Variants in JAKMIP2 observed in about 807,000 individuals in gnomAD.
The protein encoded by JAKMIP2 is janus kinase and microtubule interacting protein 2.
In JAKMIP2, 25 loss-of-function variants were observed where a neutral mutation model predicts 115.0. The ratio of observed to expected loss-of-function variants is 0.22; its 90% CI spans 0.16 to 0.30. JAKMIP2 has a LOEUF of 0.30. Among genes scored for constraint, JAKMIP2 ranks in the 10% least tolerant of loss-of-function variants. The pLI is 1.00. For missense variants in JAKMIP2, 642 were observed against 957.6 expected, an observed-to-expected ratio of 0.67 and a Z score of 4.35; for synonymous variants, 334 against 343.6, an observed-to-expected ratio of 0.97 and a Z score of 0.31.
intron 2 of JAKMIP2, among the ~76,000 whole-genome samples, chr5:147,666,905 A>C (rs1759326264): frequency 6.6e-6 from 1 of 152,044 alleles, no homozygotes; most frequent in South Asian, 2.1e-4. Context: ...TGGATATTAT[A>C]ATATAATTTT....
chr5:147,662,482 T>G (rs1210592936), intron 2 of JAKMIP2, among the ~76,000 whole-genome samples: 1 of 152,216 alleles, frequency 6.6e-6, no homozygotes, highest in Non-Finnish European at 1.5e-5. Context: ...GCACTACCTA[T>G]TGATCTAATC....
chr5:147,716,128 AATG>A (rs1422697531), intron 1 of JAKMIP2, among the ~76,000 whole-genome samples: 2 of 146,646 alleles, frequency 1.4e-5, no homozygotes, highest in Non-Finnish European at 3.0e-5. Context: ...GTTTACTGAG[AATG>A]ATGTTTTCCA....
In JAKMIP2 at chr5:147,628,580, T is replaced by G. The variant is rs114480052; in HGVS notation, c.1995+171A>C. On this transcript the variant is annotated intron_variant, in intron 16 of 21. Transcript: ENST00000616793. ...CCATCCCAAATCAGTGTATAGACTT[T>G]TCGTTTGGGTGTTCTCATTCTATCT... 6.0e-3 allele frequency among the ~76,000 whole-genome samples: 917 copies of G among 152,254 alleles called. 15 individuals carry two copies. Among genetic ancestry groups the G allele is most frequent in the African/African-American group, 0.021 (883 of 41,558 alleles).
rs34831610 is a variant in JAKMIP2 at position 147,637,437 on chromosome 5, A to ATTTTTT, written c.1531-395_1531-390dup. The stretch of plus-strand genomic sequence containing the variant: ...CATTTTGCCTCCCCAAATTCTTTTG[A>ATTTTTT]TTTTTTTTTTTTTTTTTTTTGAGAC... On this transcript the variant is annotated intron_variant, in intron 10 of 21. Transcript: ENST00000616793. Among the ~76,000 whole-genome samples, 8 of 79,338 alleles carry ATTTTTT rather than the reference A, an allele frequency of 1.0e-4. 1 individual carries two copies. Among genetic ancestry groups the ATTTTTT allele is most frequent in the East Asian group, 4.4e-4 (1 of 2,254 alleles). The allele number at this position is 79,338 out of a possible 152,430, so 52.0% of individuals were successfully genotyped here.
intron 1 of JAKMIP2, among the ~76,000 whole-genome samples, chr5:147,772,454 G>A (rs949302077): frequency 2.6e-5 from 4 of 151,740 alleles, no homozygotes; most frequent in Non-Finnish European, 5.9e-5. Flanking sequence ...GCAGGCTAGG[G>A]ATTTGAAGTA....
chr5:147,714,011 CA>C (rs1182941177), intron 1 of JAKMIP2, among the ~76,000 whole-genome samples: 14 of 152,056 alleles, frequency 9.2e-5, no homozygotes, highest in Non-Finnish European at 5.9e-5. Context: ...CTGGAAAAAG[CA>C]AAAGACAACT....
At chr5:147,685,951 A>G (rs778613185) in intron 1 of JAKMIP2, among the ~76,000 whole-genome samples, 40 of 152,218 alleles carry the variant, frequency 2.6e-4, no homozygotes, top group Admixed American at 1.1e-3. Flanking sequence ...GGTGGGAAGC[A>G]AAACACAGAA....
intron 1 of JAKMIP2, among the ~76,000 whole-genome samples, chr5:147,727,960 C>T (rs1420751160): frequency 6.6e-6 from 1 of 152,174 alleles, no homozygotes; most frequent in Non-Finnish European, 1.5e-5. Context: ...AGAGGGGCCA[C>T]AGACTGCGTT....
intron 3 of JAKMIP2, among the ~76,000 whole-genome samples, chr5:147,659,201 C>G (rs1387299783): frequency 6.6e-6 from 1 of 152,080 alleles, no homozygotes; most frequent in African/African-American, 2.4e-5. Flanking sequence ...ATGTGCTGAT[C>G]CGTGGATTGC....
intron 16 of JAKMIP2, among the ~76,000 whole-genome samples, chr5:147,626,708 G>T (rs1348236460): frequency 6.6e-6 from 1 of 152,176 alleles, no homozygotes. Flanking sequence ...CCCACACAGG[G>T]CAGGGAGCAG....
chr5:147,651,919 T>C (rs553583185), intron 3 of JAKMIP2, among the ~76,000 whole-genome samples: 4 of 152,348 alleles, frequency 2.6e-5, no homozygotes, highest in Non-Finnish European at 5.9e-5. Flanking sequence ...ACTTGTCAAC[T>C]GGAGCATTAC....
At position 147,632,697 on chromosome 5, in the gene JAKMIP2, G is replaced by T; in HGVS notation, c.1759C>A (p.Arg587=). The T allele has an allele frequency of 6.2e-7, 1 of 1,607,588 alleles. No individual in the cohort carries two copies. The highest frequency in any genetic ancestry group is 1.1e-5 in the South Asian group (1 of 90,332). The stretch of plus-strand genomic sequence containing the variant: ...TTCCTTACTTCTAGCTCTAGGTTTC[G>T]AAACTCCAGCAGCTCATTCTGGTCT... ...ARDQNELLEF[R]NLELEERERR... The change falls in exon 13 of 22, where the codon CGA becomes AGA. Residue 587 remains arginine (R), a synonymous_variant. Coordinates refer to ENST00000616793, the MANE Select transcript of JAKMIP2 (RefSeq NM_001270941.2).
chr5:147,613,481 C>T (rs1756428722), intron 19 of JAKMIP2, among the ~76,000 whole-genome samples: 2 of 151,378 alleles, frequency 1.3e-5, no homozygotes, highest in African/African-American at 4.9e-5. Flanking sequence ...TCTCTCCCTG[C>T]CCCAGCCAGG....
chr5:147,729,538 C>T (rs1402283064), intron 1 of JAKMIP2, among the ~76,000 whole-genome samples: 1 of 152,052 alleles, frequency 6.6e-6, no homozygotes, highest in Non-Finnish European at 1.5e-5. Flanking sequence ...TTTTGGGAGG[C>T]CGAGGTGGGC....
At chr5:147,640,671 A>G in intron 9 of JAKMIP2, 33 bp downstream of exon 9, 1 of 1,605,858 alleles carries the variant, frequency 6.2e-7, no homozygotes, top group South Asian at 1.1e-5. Context: ...TGGTGACAAT[A>G]TCACCCTAGG....
At chr5:147,767,213 C>A (rs957251401) in intron 1 of JAKMIP2, among the ~76,000 whole-genome samples, 1 of 152,078 alleles carries the variant, frequency 6.6e-6, no homozygotes, top group African/African-American at 2.4e-5. Context: ...CACATATACA[C>A]AGAGTGAAAG....
At chr5:147,764,842 T>A (rs966019597) in intron 1 of JAKMIP2, among the ~76,000 whole-genome samples, 5 of 146,128 alleles carry the variant, frequency 3.4e-5, no homozygotes, top group African/African-American at 1.3e-4. Context: ...GCCAAGATCA[T>A]GCCACTGCAC....
chr5:147,715,016 G>A (rs1006021090), intron 1 of JAKMIP2, among the ~76,000 whole-genome samples: 1 of 152,226 alleles, frequency 6.6e-6, no homozygotes, highest in Non-Finnish European at 1.5e-5. Context: ...TAATCATAAA[G>A]TGATAGCATC....
chr5:147,659,106 A>T (rs1189576783), intron 3 of JAKMIP2, among the ~76,000 whole-genome samples: 2 of 151,492 alleles, frequency 1.3e-5, no homozygotes, highest in East Asian at 3.9e-4. Context: ...AAAAAAAAAA[A>T]ATCCTGCAGC....
Sources: gnomAD v4.1 joint callset for allele counts (sites outside exome capture counted in the v4.1 genomes callset) on GRCh38, gnomAD v4.1.1 for gene constraint, MANE v1.5 for transcripts, NCBI Gene and HGNC (gene_info 2026-07-23, HGNC 2026-07-21) for gene names.